Variants in VPS54 observed in about 807,000 individuals in gnomAD.
The protein encoded by VPS54 is vacuolar protein sorting-associated protein 54.
Under a neutral mutation model 121.5 loss-of-function variants are expected in VPS54, and 45 were observed. The observed-to-expected ratio is 0.37, with a 90% CI of 0.29 to 0.47. VPS54 has a LOEUF of 0.47. VPS54 is among the 20% of genes least tolerant of loss of function. The pLI is 0.99. For missense variants in VPS54, 1,090 were observed against 1,131.4 expected, an observed-to-expected ratio of 0.96 and a Z score of 0.52; for synonymous variants, 371 against 385.8, an observed-to-expected ratio of 0.96 and a Z score of 0.45.
At chr2:63,961,627 G>A (rs1264682773) in intron 7 of VPS54, among the ~76,000 whole-genome samples, 1 of 152,052 alleles carries the variant, frequency 6.6e-6, no homozygotes, top group African/African-American at 2.4e-5. Flanking sequence ...GATTTCTTTT[G>A]CAATTTGATA....
intron 12 of VPS54, among the ~76,000 whole-genome samples, chr2:63,922,924 T>G (rs1007985052): frequency 6.7e-6 from 1 of 148,304 alleles, no homozygotes; most frequent in Non-Finnish European, 1.5e-5. Context: ...TAAAAACAAC[T>G]CAAGTCCTTA....
At position 63,894,714 on chromosome 2, in the gene VPS54, A is replaced by G. The variant is rs1413935917; in HGVS notation, c.2829-1179T>C. On this transcript the variant is annotated intron_variant, in intron 22 of 22. Coordinates refer to ENST00000272322, the MANE Select transcript of VPS54 (RefSeq NM_016516.3). ...AGACCCTGTCTCCAAAAAAAAAAAA[A>G]AGGTTGTTTGATGGAATACTGTACA... Among the ~76,000 whole-genome samples, 10 of 152,038 alleles carry G rather than the reference A, an allele frequency of 6.6e-5. No individual in the cohort carries two copies. The East Asian group carries it at 1.9e-3, about 29-fold the overall frequency.
chr2:63,999,418 A>ACT (rs1325815395), intron 1 of VPS54, among the ~76,000 whole-genome samples: 1 of 152,098 alleles, frequency 6.6e-6, no homozygotes, highest in East Asian at 1.9e-4. Context: ...ATGTCATGCC[A>ACT]CTCTCTTGGC....
At chr2:63,983,444 A>ATTTTT (rs58336872) in intron 2 of VPS54, among the ~76,000 whole-genome samples, 1 of 120,136 alleles carries the variant, frequency 8.3e-6, no homozygotes, top group Non-Finnish European at 1.7e-5. Flanking sequence ...GCCCCAAATG[A>ATTTTT]TTTTTTTTTT....
intron 9 of VPS54, among the ~76,000 whole-genome samples, chr2:63,945,366 A>C (rs1674929090): frequency 6.6e-6 from 1 of 152,212 alleles, no homozygotes. Flanking sequence ...CATAGAGGGG[A>C]ACACCACACG....
Position 63,983,908 on chromosome 2 carries a change from C to T in VPS54, c.92G>A (p.Arg31Gln), listed in dbSNP as rs1287913022. ...CACATCTGGCAGTGATGGCACAGGTCGAATGTGTTTTGACGGATCTACCTC... is the reference window on the plus strand; with the variant it reads ...CACATCTGGCAGTGATGGCACAGGTTGAATGTGTTTTGACGGATCTACCTC... ...KIEVDPSKHIRPVPSLPDVCP... is the reference protein window; with the variant it reads ...KIEVDPSKHIQPVPSLPDVCP... The change falls in exon 2 of 23, where the codon CGA (arginine) becomes CAA (glutamine). Residue 31 changes from arginine (R) to glutamine (Q), a missense_variant. By Grantham distance (43) the Arg-to-Gln change is conservative. Around this residue, in one of 2 missense-constraint regions of VPS54, gnomAD observed 801 missense variants for 757.0 expected, o/e 1.06. Coordinates refer to ENST00000272322, the MANE Select transcript of VPS54 (RefSeq NM_016516.3). The T allele has an allele frequency of 4.3e-6, 7 of 1,613,078 alleles. No individual in the cohort carries two copies. In the African/African-American group the frequency reaches 5.3e-5, roughly 12 times the overall value.
chr2:63,916,923 C>T lies in VPS54; in HGVS notation c.2205G>A (p.Glu735=). The T allele has an allele frequency of 6.2e-7, 1 of 1,613,594 alleles. No homozygotes were observed. The highest frequency in any genetic ancestry group is 8.5e-7 in the Non-Finnish European group (1 of 1,179,656). The change falls in exon 16 of 23, where the codon GAG becomes GAA. Residue 735 remains glutamate (E), a synonymous_variant. Coordinates refer to ENST00000272322, the MANE Select transcript of VPS54 (RefSeq NM_016516.3). The part of the protein sequence containing the change: ...ERKPAEVLIV[E]GQQYAVVGTV... ...ACCCAACAACTGCATACTGTTGTCC[C>T]TCGACAATAAGAACTTCAGCTGGTT... is the stretch of plus-strand genomic sequence containing the variant.
intron 3 of VPS54, chr2:63,974,895 A>G (rs1215392270): frequency 2.2e-6 from 3 of 1,355,522 alleles, no homozygotes; most frequent in Non-Finnish European, 3.0e-6. Context: ...ACTTCTTCCT[A>G]ATTTTTATAT....
intron 6 of VPS54, among the ~76,000 whole-genome samples, chr2:63,965,086 G>A (rs944479388): frequency 1.8e-4 from 28 of 152,128 alleles, no homozygotes; most frequent in Admixed American, 2.6e-4. Flanking sequence ...TATTCTTTAA[G>A]ATATTTTTGT....
At chr2:63,973,972 A>AT (rs1466866911) in intron 3 of VPS54, among the ~76,000 whole-genome samples, 1 of 152,098 alleles carries the variant, frequency 6.6e-6, no homozygotes, top group African/African-American at 2.4e-5. Flanking sequence ...CAACTTTTCA[A>AT]TTTTTTCTTT....
chr2:63,981,509 G>C (rs926647455), intron 3 of VPS54, 137 bp downstream of exon 3: 1 of 952,240 alleles, frequency 1.1e-6, no homozygotes, highest in East Asian at 2.6e-5. Flanking sequence ...ATGCAACCCA[G>C]GACAGTACAA....
intron 12 of VPS54, among the ~76,000 whole-genome samples, chr2:63,931,085 C>A (rs969601584): frequency 6.6e-6 from 1 of 152,196 alleles, no homozygotes; most frequent in African/African-American, 2.4e-5. Context: ...AATGGCCTTA[C>A]TGCCAAAAGT....
chr2:63,993,303 T>C (rs922655475), intron 1 of VPS54, among the ~76,000 whole-genome samples: 2 of 152,230 alleles, frequency 1.3e-5, no homozygotes, highest in East Asian at 3.8e-4. Context: ...ACTTGTTTTC[T>C]ATGCTGCGGG....
chr2:63,996,576 G>A lies in VPS54; in HGVS notation c.-20-12557C>T, dbSNP rs186343465. ...CTGCCTGGAAGCCACGCAGGACAGA[G>A]CCATATTTCTCTTATTGCCAAAAAC... On this transcript the variant is annotated intron_variant, in intron 1 of 22. Transcript: ENST00000272322. Among the ~76,000 whole-genome samples, 12 of 152,344 alleles carry A rather than the reference G, an allele frequency of 7.9e-5. No individual in the cohort carries two copies. The East Asian group carries it at 2.3e-3, about 29-fold the overall frequency.
chr2:64,012,309 CCT>C (rs1678466248), intron 1 of VPS54, among the ~76,000 whole-genome samples: 1 of 152,070 alleles, frequency 6.6e-6, no homozygotes, highest in African/African-American at 2.4e-5. Context: ...CTCAGATGAG[CCT>C]CTGATGCTGC....
rs566175229 is a variant in VPS54, at chr2:64,014,699, T to C, written c.-21+4239A>G. Among the ~76,000 whole-genome samples the C allele has an allele frequency of 5.9e-5, 9 of 152,338 alleles. No individual in the cohort carries two copies. In the South Asian group the frequency reaches 1.4e-3, roughly 25 times the overall value. On this transcript the variant is annotated intron_variant, in intron 1 of 22. Transcript: ENST00000272322. ...ATTCTTCTGAAGCGAATAACTCTTCTACAGTATATTATAGTTGACACTGCA... is the reference window on the plus strand; with the variant it reads ...ATTCTTCTGAAGCGAATAACTCTTCCACAGTATATTATAGTTGACACTGCA...
intron 1 of VPS54, among the ~76,000 whole-genome samples, chr2:64,008,487 CGA>C (rs1481470433): frequency 6.6e-5 from 10 of 150,686 alleles, no homozygotes; most frequent in Non-Finnish European, 1.2e-4. Context: ...AGGAATGGGG[CGA>C]GAGGGGATGG....
chr2:63,996,185 A>G (rs1247839085), intron 1 of VPS54, among the ~76,000 whole-genome samples: 2 of 152,230 alleles, frequency 1.3e-5, no homozygotes, highest in African/African-American at 4.8e-5. Context: ...GCCATGGCAG[A>G]AGAACATAAA....
At chr2:63,902,592 T>TC (rs1359591274) in intron 20 of VPS54, among the ~76,000 whole-genome samples, 1 of 151,422 alleles carries the variant, frequency 6.6e-6, no homozygotes, top group Non-Finnish European at 1.5e-5. Flanking sequence ...GAAAACAATA[T>TC]CCCACTGTCA....
Sources: gnomAD v4.1 joint callset for allele counts (sites outside exome capture counted in the v4.1 genomes callset) on GRCh38, gnomAD v4.1.1 for gene constraint, gnomAD v4.1.1 regional missense constraint, MANE v1.5 for transcripts, NCBI Gene and HGNC (gene_info 2026-07-23, HGNC 2026-07-21) for gene names.